The following SNX25 variants were observed in gnomAD, a reference collection of about 807,000 sequenced individuals.
The protein encoded by SNX25 is sorting nexin 25, also known as sorting nexin-25.
A neutral mutation model predicts 113.7 loss-of-function variants in SNX25; 62 were observed. That is an observed-to-expected ratio of 0.55 (90% CI 0.44 to 0.67). The LOEUF is 0.67. SNX25 is among the 30% of genes least tolerant of loss of function. The probability of loss-of-function intolerance (pLI) is 0.00; values close to 1 mark genes in which losing one functional copy is unlikely to be tolerated. For synonymous variants in SNX25, 421 were observed against 436.2 expected, an observed-to-expected ratio of 0.97 and a Z score of 0.43; for missense variants, 1,014 against 1,161.0, an observed-to-expected ratio of 0.87 and a Z score of 1.84.
intron 9 of SNX25, among the ~76,000 whole-genome samples, chr4:185,332,271 A>G (rs77085338): frequency 0.029 from 4,363 of 152,302 alleles, 104 homozygotes; most frequent in South Asian, 0.042. Flanking sequence ...CAGAATATTC[A>G]GGTTGAGTTG....
chr4:185,285,290 A>T (rs1751189042), intron 5 of SNX25, among the ~76,000 whole-genome samples: 1 of 152,122 alleles, frequency 6.6e-6, no homozygotes, highest in South Asian at 2.1e-4. Context: ...GTTTAATCTG[A>T]TATGTCCTGA....
At chr4:185,372,904 T>A (rs1411560589), downstream of SNX25, 9 of 1,612,756 alleles carry the variant, frequency 5.6e-6, no homozygotes, top group Non-Finnish European at 7.6e-6. Context: ...CTTATAGTAA[T>A]ACTCCACGAG....
intron 16 of SNX25, 146 bp downstream of exon 16, chr4:185,357,883 G>A: frequency 1.5e-6 from 1 of 678,010 alleles, no homozygotes; most frequent in Non-Finnish European, 2.5e-6. Context: ...TCTAAGATTG[G>A]ATAGGAGAGT....
At position 185,285,208 on chromosome 4, in the gene SNX25, A is replaced by G. The variant is rs553040169; in HGVS notation, c.1092-2804A>G. On this transcript the variant is annotated intron_variant, in intron 5 of 18. Coordinates refer to ENST00000652585, the MANE Select transcript of SNX25 (RefSeq NM_001378034.2). ...TGTATGTGCCATTTTTCATTTTAAA[A>G]ATTAGTCTGTCATAAACATCTATTT... 2.6e-5 allele frequency among the ~76,000 whole-genome samples: 4 copies of G among 152,278 alleles called. No individual in the cohort carries two copies. In the East Asian group the frequency reaches 7.7e-4, roughly 29 times the overall value.
chr4:185,227,653 G>A (rs915377617), intron 1 of SNX25, among the ~76,000 whole-genome samples: 1 of 152,146 alleles, frequency 6.6e-6, no homozygotes, highest in Non-Finnish European at 1.5e-5. Context: ...TGGCTTGGGG[G>A]TTAAATGTGT....
At chr4:185,206,819 G>A (rs1011758609), upstream of SNX25, among the ~76,000 whole-genome samples, 3 of 152,132 alleles carry the variant, frequency 2.0e-5, no homozygotes, top group Non-Finnish European at 2.9e-5. Flanking sequence ...ACCCTTCGCC[G>A]GCTGGAGAGC....
At chr4:185,239,060 A>C (rs1376406268) in intron 1 of SNX25, among the ~76,000 whole-genome samples, 1 of 152,192 alleles carries the variant, frequency 6.6e-6, no homozygotes, top group Non-Finnish European at 1.5e-5. Flanking sequence ...TAGCCTTGAC[A>C]CAAAGACAGT....
At chr4:185,344,153 G>T (rs1024457391) in intron 12 of SNX25, among the ~76,000 whole-genome samples, 6 of 152,132 alleles carry the variant, frequency 3.9e-5, no homozygotes, top group Non-Finnish European at 8.8e-5. Context: ...CCTGGGAGGC[G>T]GAGGTTGCAG....
chr4:185,252,012 C>A (rs1032373566), intron 2 of SNX25, among the ~76,000 whole-genome samples: 1 of 150,110 alleles, frequency 6.7e-6, no homozygotes, highest in Admixed American at 6.6e-5. Context: ...ATTTTTTTTA[C>A]CTGTCCTTTG....
chr4:185,306,802 A>G (rs1754530332), intron 6 of SNX25, among the ~76,000 whole-genome samples: 1 of 152,268 alleles, frequency 6.6e-6, no homozygotes, highest in African/African-American at 2.4e-5. Context: ...AGGTACACTC[A>G]CAAAACATCT....
At chr4:185,343,160 G>A (rs1024467969) in intron 12 of SNX25, among the ~76,000 whole-genome samples, 2 of 152,180 alleles carry the variant, frequency 1.3e-5, no homozygotes, top group African/African-American at 4.8e-5. Context: ...CAAAGAGCTA[G>A]GATTATAGAT....
chr4:185,312,778 G>A (rs762144602), intron 7 of SNX25, among the ~76,000 whole-genome samples: 1 of 152,130 alleles, frequency 6.6e-6, no homozygotes. Context: ...GCCCACCTCA[G>A]CATTCCAGTG....
intron 6 of SNX25, among the ~76,000 whole-genome samples, chr4:185,302,918 G>T (rs902838257): frequency 6.6e-6 from 1 of 152,178 alleles, no homozygotes; most frequent in Non-Finnish European, 1.5e-5. Context: ...CTGCCTGAAG[G>T]TCTGTGGGCT....
chr4:185,338,565 G>A (rs1312291121), intron 10 of SNX25, among the ~76,000 whole-genome samples: 2 of 152,242 alleles, frequency 1.3e-5, no homozygotes, highest in Admixed American at 6.5e-5. Flanking sequence ...TAGGATTACA[G>A]TTGTGAGCCA....
In SNX25 at chr4:185,362,478, C is replaced by A. The variant is rs2095369444; in HGVS notation, c.2834-133C>A. ...TTCTTTCCTGAAGCATTTGAGAGAA[C>A]TGACCATTCATGTTTCTCATGCCTC... On this transcript the variant is annotated intron_variant, in intron 17 of 18. Transcript: ENST00000652585. 5.1e-6 allele frequency: 6 copies of A among 1,183,300 alleles called. No homozygotes were observed. In the East Asian group the frequency reaches 1.5e-4, roughly 30 times the overall value. The allele number at this position is 1,183,300 out of a possible 1,614,324, so 73.3% of individuals were successfully genotyped here.
At chr4:185,230,840 G>A (rs947118546) in intron 1 of SNX25, among the ~76,000 whole-genome samples, 1 of 152,160 alleles carries the variant, frequency 6.6e-6, no homozygotes. Flanking sequence ...TGTGAATTAA[G>A]AATATAAGGG....
chr4:185,361,887 TA>T, intron 16 of SNX25, 36 bp from the exon 17 acceptor site: 1 of 1,607,254 alleles, frequency 6.2e-7, no homozygotes, highest in Non-Finnish European at 8.5e-7. Flanking sequence ...ACACAATTTT[TA>T]AAAACCTCAT....
rs981091144 is a variant in SNX25, at chr4:185,210,241, C to T, written c.415C>T (p.Arg139Cys). 236 of 984,964 alleles carry T rather than the reference C, an allele frequency of 2.4e-4. 1 individual carries two copies. The African/African-American group carries it at 3.8e-3, about 16-fold the overall frequency. 61.0% of individuals were successfully genotyped at this position (984,964 alleles called of 1,614,324 possible). A position where few individuals can be genotyped will look rare whatever the true frequency, so the allele number is the denominator to read the frequency against. ...CCGGCTGGCCGCGACCTCAGCCGCC[C>T]GCCGCCCGCCGGGGGTAAGTACCCG... ...WSRLAATSAA[R>C]RPPGSPVYGN... Residue 139 changes from arginine (R) to cysteine (C), a missense_variant, in exon 1 of 19, where the codon CGC (arginine) becomes TGC (cysteine). By Grantham distance (180) the Arg-to-Cys change is radical. Transcript: ENST00000652585. The surrounding 1 kb of genome is among the most constrained non-coding windows in gnomAD (Gnocchi z 4.4).
At chr4:185,268,534 G>C (rs1021286382) in intron 5 of SNX25, among the ~76,000 whole-genome samples, 1 of 152,028 alleles carries the variant, frequency 6.6e-6, no homozygotes, top group Non-Finnish European at 1.5e-5. Context: ...TAATATAGGG[G>C]AAAGAAAGAA....
Sources: gnomAD v4.1 joint callset for allele counts (sites outside exome capture counted in the v4.1 genomes callset) on GRCh38, gnomAD v4.1.1 for gene constraint, Gnocchi (gnomAD v3.1) non-coding constraint, MANE v1.5 for transcripts, NCBI Gene and HGNC (gene_info 2026-07-23, HGNC 2026-07-21) for gene names.